Variants in PARP4 observed in about 807,000 individuals in gnomAD.
The protein encoded by PARP4 is poly(ADP-ribose) polymerase family member 4.
In PARP4, 120 loss-of-function variants were observed where a neutral mutation model predicts 187.7. The observed-to-expected ratio is 0.64, with a 90% CI of 0.55 to 0.74. PARP4 has a LOEUF of 0.74. Among genes scored for constraint, PARP4 ranks in the 30% least tolerant of loss-of-function variants. PARP4 has a pLI of 0.00. For missense variants in PARP4, 1,836 were observed against 2,070.5 expected (o/e 0.89, Z 2.20); for synonymous variants, 654 against 740.9 (o/e 0.88, Z 1.90).
At chr13:24,449,197 G>A (rs191806463) in intron 25 of PARP4, among the ~76,000 whole-genome samples, 152 of 152,152 alleles carry the variant, frequency 1.0e-3, no homozygotes, top group African/African-American at 3.5e-3. Flanking sequence ...GACCATCCTG[G>A]CTAACACAGT....
intron 17 of PARP4, among the ~76,000 whole-genome samples, chr13:24,468,011 T>C (rs1230396897): frequency 1.3e-5 from 2 of 152,094 alleles, no homozygotes; most frequent in Non-Finnish European, 2.9e-5. Flanking sequence ...CCTTTGTCTA[T>C]ATTAATCTTG....
At chr13:24,478,006 C>G in intron 13 of PARP4, 87 bp downstream of exon 13, 1 of 1,106,428 alleles carries the variant, frequency 9.0e-7, no homozygotes, top group Non-Finnish European at 1.3e-6. Flanking sequence ...TAAACTTAAG[C>G]ATATTTAATG....
chr13:24,500,905 C>T (rs1489298856), intron 3 of PARP4, among the ~76,000 whole-genome samples: 2 of 152,182 alleles, frequency 1.3e-5, no homozygotes, highest in African/African-American at 2.4e-5. Context: ...CAAGGATCAT[C>T]AGTGTATTTG....
At chr13:24,431,217 T>C (rs978304897) in intron 32 of PARP4, among the ~76,000 whole-genome samples, 160 bp downstream of exon 32, 5 of 152,208 alleles carry the variant, frequency 3.3e-5, no homozygotes, top group Non-Finnish European at 7.3e-5. Flanking sequence ...TAGAAACCCA[T>C]CTCCCATTTC....
At chr13:24,448,248 C>CA (rs970700111) in intron 25 of PARP4, among the ~76,000 whole-genome samples, 3 of 151,818 alleles carry the variant, frequency 2.0e-5, no homozygotes, top group African/African-American at 4.8e-5. Context: ...ACCAAACAAA[C>CA]AAAAAACAAT....
At chr13:24,477,101 C>G (rs964304613) in intron 14 of PARP4, among the ~76,000 whole-genome samples, 6 of 152,198 alleles carry the variant, frequency 3.9e-5, no homozygotes, top group African/African-American at 1.4e-4. Context: ...TTGGCTATTC[C>G]TGAAGCGAAT....
chr13:24,505,675 C>G (rs1295365173), intron 1 of PARP4, among the ~76,000 whole-genome samples: 1 of 152,280 alleles, frequency 6.6e-6, no homozygotes, highest in East Asian at 1.9e-4. Flanking sequence ...ATTACAGGCC[C>G]GCGCCACCAC....
At chr13:24,489,423 A>G (rs1247141097) in intron 10 of PARP4, among the ~76,000 whole-genome samples, 2 of 152,044 alleles carry the variant, frequency 1.3e-5, no homozygotes, top group African/African-American at 4.8e-5. Context: ...TCCTGGCTAA[A>G]GCAGTGAAAC....
chr13:24,495,564 T>C (rs1868899203), intron 6 of PARP4, among the ~76,000 whole-genome samples: 1 of 152,180 alleles, frequency 6.6e-6, no homozygotes, highest in Non-Finnish European at 1.5e-5. Flanking sequence ...TCTGCTCTTC[T>C]GGGCAACTCC....
At chr13:24,458,918 G>A (rs1200403483) in intron 20 of PARP4, 126 bp downstream of exon 20, 7 of 702,488 alleles carry the variant, frequency 1.0e-5, no homozygotes, top group South Asian at 1.7e-5. Context: ...TCAGGGGCAG[G>A]AGTAGTGCTT....
At position 24,498,680 on chromosome 13, in the gene PARP4, G is replaced by A. The variant is rs141109520; in HGVS notation, c.478-451C>T. 4.6e-5 allele frequency among the ~76,000 whole-genome samples: 7 copies of A among 152,072 alleles called. No homozygotes were observed. In the East Asian group the frequency reaches 1.2e-3, roughly 25 times the overall value. On this transcript the variant is annotated intron_variant, in intron 5 of 33. Transcript: ENST00000381989. ...GAGCTCAAGAGATCCACCTGCCTTA[G>A]CCCCCTAAGTAGCTGGGACTATAGG...
At chr13:24,489,173 G>A (rs7329957) in intron 10 of PARP4, among the ~76,000 whole-genome samples, 16,564 of 152,168 alleles carry the variant, frequency 0.11, 977 homozygotes, top group African/African-American at 0.12. Context: ...ACTAGGAGTG[G>A]AATTGCTGGG....
In PARP4 at chr13:24,443,722, G is replaced by C; in HGVS notation, c.3375C>G (p.His1125Gln). 6.2e-7 allele frequency: 1 copy of C among 1,612,778 alleles called. No individual in the cohort carries two copies. Among genetic ancestry groups the C allele is most frequent in the Non-Finnish European group, 8.5e-7 (1 of 1,178,850 alleles). Residue 1125 changes from histidine to glutamine, a missense_variant, in exon 28 of 34, where the codon CAC becomes CAG. His to Gln is a conservative substitution (Grantham distance 24). Coordinates refer to ENST00000381989, the MANE Select transcript of PARP4 (RefSeq NM_006437.4). The part of the protein sequence containing the change: ...ELQKTTGTMI[H>Q]KLAARALIRD... The stretch of plus-strand genomic sequence containing the variant: ...TGATTAGAGCTCGGGCTGCCAGCTT[G>C]TGGATCATCTGTGTTTAAGCAGCAA...
intron 15 of PARP4, among the ~76,000 whole-genome samples, chr13:24,475,089 G>A (rs1223706000): frequency 6.6e-6 from 1 of 152,176 alleles, no homozygotes; most frequent in East Asian, 1.9e-4. Context: ...CCTTCTCAGG[G>A]AGGCCTCCAT....
chr13:24,430,119 G>A (rs950292975), intron 32 of PARP4, among the ~76,000 whole-genome samples: 5 of 152,314 alleles, frequency 3.3e-5, no homozygotes, highest in African/African-American at 9.6e-5. Context: ...ATTGGCAGGA[G>A]AGTTAGTCAG....
At chr13:24,436,179 G>A (rs1870629888) in intron 30 of PARP4, among the ~76,000 whole-genome samples, 1 of 152,202 alleles carries the variant, frequency 6.6e-6, no homozygotes. Context: ...GTATCACAGG[G>A]TGTACTTAGG....
At chr13:24,499,478 TAG>T in intron 4 of PARP4, 102 bp from the exon 5 acceptor site, 1 of 879,982 alleles carries the variant, frequency 1.1e-6, no homozygotes, top group Non-Finnish European at 1.7e-6. Flanking sequence ...AAATACATGA[TAG>T]ATTCCTTACA....
intron 9 of PARP4, among the ~76,000 whole-genome samples, chr13:24,491,117 C>T (rs1361578): frequency 0.52 from 78,390 of 150,958 alleles, 20,558 homozygotes; most frequent in South Asian, 0.65. Context: ...ACACTCATGA[C>T]TGACATTTTT....
At position 24,490,801 on chromosome 13, in the gene PARP4, C is replaced by T; in HGVS notation, c.1081G>A (p.Glu361Lys). ...GGGTTGGGTTTGGACAAATTAGTTT[C>T]ACAGACATTAACCATGTCTCTTATT... is the stretch of plus-strand genomic sequence containing the variant. ...QLIRDMVNVCETNLSKPNPPS... is the reference protein window; with the variant it reads ...QLIRDMVNVCKTNLSKPNPPS... Residue 361 changes from glutamate to lysine, a missense_variant, in exon 10 of 34, where the codon GAA (glutamate) becomes AAA (lysine). Physicochemically the swap from Glu to Lys is moderately conservative, Grantham distance 56. Coordinates refer to ENST00000381989, the MANE Select transcript of PARP4 (RefSeq NM_006437.4). The T allele has an allele frequency of 2.5e-6, 4 of 1,614,062 alleles. No homozygotes were observed. In the South Asian group the frequency reaches 3.3e-5, roughly 13 times the overall value.
Sources: allele counts gnomAD v4.1 joint callset (sites outside exome capture counted in the v4.1 genomes callset), GRCh38; gene constraint gnomAD v4.1.1; transcripts MANE v1.5; gene names NCBI Gene and HGNC (gene_info 2026-07-23, HGNC 2026-07-21).